TSC22D1: variants seen among roughly 807,000 people sequenced by gnomAD.
TSC22D1 encodes the protein TSC22 domain family member 1, also known as TSC22 domain family protein 1.
TSC22D1 carries 9 observed loss-of-function variants against 74.2 expected under a neutral mutation model. The ratio of observed to expected loss-of-function variants is 0.12; its 90% CI spans 0.07 to 0.21. TSC22D1 has a LOEUF of 0.21. Ranked by LOEUF, TSC22D1 falls within the 10% of genes least tolerant of loss-of-function variation. The pLI, the probability that TSC22D1 is intolerant of heterozygous loss-of-function variation, is 1.00. For missense variants in TSC22D1, 1,427 were observed against 1,304.7 expected, an observed-to-expected ratio of 1.09 and a Z score of -1.44; for synonymous variants, 586 against 492.5, an observed-to-expected ratio of 1.19 and a Z score of -2.51.
At chr13:44,543,664 G>GT (rs1480102448) in intron 1 of TSC22D1, among the ~76,000 whole-genome samples, 3 of 152,174 alleles carry the variant, frequency 2.0e-5, no homozygotes, top group Non-Finnish European at 2.9e-5. Context: ...CACGGAATAG[G>GT]TAACTCAGTA....
rs141536966 is a variant in TSC22D1, at chr13:44,434,464, T to C, written c.*162A>G. 4 of 1,383,342 alleles carry C rather than the reference T, an allele frequency of 2.9e-6. No individual in the cohort carries two copies. Among genetic ancestry groups the C allele is most frequent in the African/African-American group, 1.5e-5 (1 of 67,918 alleles). The allele number at this position is 1,383,342 out of a possible 1,614,324, so 85.7% of individuals were successfully genotyped here. A position where few individuals can be genotyped will look rare whatever the true frequency, so the allele number is the denominator to read the frequency against. On this transcript the variant is annotated 3_prime_UTR_variant, in exon 3 of 3. Coordinates refer to ENST00000458659, the MANE Select transcript of TSC22D1 (RefSeq NM_183422.4). ...GAAATTTCTCCAAGCCATAAGCATA[T>C]GAGTGTTTAATACTGGAAAAGAGAT...
At chr13:44,439,803 GA>G (rs1451064442) in intron 1 of TSC22D1, among the ~76,000 whole-genome samples, 4 of 152,322 alleles carry the variant, frequency 2.6e-5, no homozygotes, top group Admixed American at 2.6e-4. Flanking sequence ...AGCATGACAG[GA>G]TAGGAAAAGA....
rs1874544820 is a variant in TSC22D1, at chr13:44,435,754, C to T, written c.2964+290G>A. On this transcript the variant is annotated intron_variant, in intron 2 of 2. Coordinates refer to ENST00000458659, the MANE Select transcript of TSC22D1 (RefSeq NM_183422.4). ...ACGACCAGCCGAAGGAGATAGTTGG[C>T]CAGCGCTTCCCTAATAAATCCCCAG... 2.5e-5 allele frequency: 12 copies of T among 472,766 alleles called. No individual in the cohort carries two copies. In the East Asian group the frequency reaches 3.8e-4, roughly 15 times the overall value. The allele number at this position is 472,766 out of a possible 1,614,324, so 29.3% of individuals were successfully genotyped here.
chr13:44,574,857 C>T lies in TSC22D1; in HGVS notation c.1218G>A (p.Arg406=). 1.9e-6 allele frequency: 3 copies of T among 1,614,134 alleles called. No homozygotes were observed. In the Admixed American group the frequency reaches 5.0e-5, roughly 27 times the overall value. ...TAGAATCTAACTTCACAACTCTGAA[C>T]CTCGAAGTGTTAACTGTTGGTTGTT... ...QQQQPTVNTS[R]FRVVKLDSSS... is the part of the protein sequence containing the mutation. The change falls in exon 1 of 3, where the codon AGG becomes AGA. Residue 406 remains arginine (R), a synonymous_variant. Coordinates refer to ENST00000458659, the MANE Select transcript of TSC22D1 (RefSeq NM_183422.4).
intron 1 of TSC22D1, among the ~76,000 whole-genome samples, chr13:44,453,313 G>A (rs1876306669): frequency 6.6e-6 from 1 of 152,064 alleles, no homozygotes; most frequent in African/African-American, 2.4e-5. Flanking sequence ...ATAAACATAT[G>A]CATGACTATT....
chr13:44,559,467 T>C lies in TSC22D1; in HGVS notation c.2912+13696A>G, dbSNP rs746424485. Among the ~76,000 whole-genome samples, 18 of 152,338 alleles carry C rather than the reference T, an allele frequency of 1.2e-4. No homozygotes were observed. In the East Asian group the frequency reaches 3.5e-3, roughly 29 times the overall value. ...GTATTTCCTCAACAGGAAGATGTAC[T>C]GGTCATTGTCAAAAGTACCACAACA... On this transcript the variant is annotated intron_variant, in intron 1 of 2. Coordinates refer to ENST00000458659, the MANE Select transcript of TSC22D1 (RefSeq NM_183422.4).
At chr13:44,444,130 T>C (rs1459363610) in intron 1 of TSC22D1, among the ~76,000 whole-genome samples, 1 of 150,628 alleles carries the variant, frequency 6.6e-6, no homozygotes, top group Non-Finnish European at 1.5e-5. Context: ...AATACAAAAA[T>C]TAGCTGTGCA....
In TSC22D1 at chr13:44,564,850, A is replaced by G. The variant is rs1449002769; in HGVS notation, c.2912+8313T>C. On this transcript the variant is annotated intron_variant, in intron 1 of 2. Coordinates refer to ENST00000458659, the MANE Select transcript of TSC22D1 (RefSeq NM_183422.4). ...CTGATGTTATGTTAGAGCAATGGCA[A>G]TAAGGATGGAAAAAAAAGATGAAGA... Among the ~76,000 whole-genome samples the G allele has an allele frequency of 2.6e-5, 4 of 152,180 alleles. No individual in the cohort carries two copies. The South Asian group carries it at 6.2e-4, about 24-fold the overall frequency.
intron 1 of TSC22D1, among the ~76,000 whole-genome samples, chr13:44,568,811 CTGACAGAT>C: frequency 6.6e-6 from 1 of 152,130 alleles, no homozygotes; most frequent in East Asian, 1.9e-4. Flanking sequence ...ACAGACAGCG[CTGACAGAT>C]GAAAACCTGG....
Position 44,477,643 on chromosome 13 carries a change from T to TC in TSC22D1, c.2913-41549_2913-41548insG, listed in dbSNP as rs1490833741. On this transcript the variant is annotated intron_variant, in intron 1 of 2. Transcript: ENST00000458659. The stretch of plus-strand genomic sequence containing the variant: ...CCTATCAAATGTGCTCATAGATTTT[T>TC]TTTTTTTTTTTTTTTTGAGACGGAG... Among the ~76,000 whole-genome samples, 75 of 148,732 alleles carry TC rather than the reference T, an allele frequency of 5.0e-4. 1 individual carries two copies. Among genetic ancestry groups the TC allele is most frequent in the African/African-American group, 1.2e-3 (50 of 40,578 alleles).
intron 1 of TSC22D1, among the ~76,000 whole-genome samples, chr13:44,549,776 G>GAAAAAA (rs1305063154): frequency 4.4e-5 from 3 of 67,946 alleles, no homozygotes; most frequent in Non-Finnish European, 6.3e-5. Context: ...CAAAAAAAAA[G>GAAAAAA]AAAAAAAAAA....
Position 44,575,638 on chromosome 13 carries a change from G to C in TSC22D1, c.437C>G (p.Thr146Arg). The C allele has an allele frequency of 1.2e-6, 2 of 1,614,180 alleles. No individual in the cohort carries two copies. The highest frequency in any genetic ancestry group is 1.7e-6 in the Non-Finnish European group (2 of 1,180,024). ...ESYDDLDESH[T>R]EDLSSSEILD... The stretch of plus-strand genomic sequence containing the variant: ...GATCTCCGAAGAAGAGAGATCTTCC[G>C]TGTGAGATTCATCCAGATCATCATA... Residue 146 changes from threonine (T) to arginine (R), a missense_variant, in exon 1 of 3, where the codon ACG becomes AGG. Physicochemically the swap from Thr to Arg is moderately conservative, Grantham distance 71 (BLOSUM62 -1). Coordinates refer to ENST00000458659, the MANE Select transcript of TSC22D1 (RefSeq NM_183422.4).
At chr13:44,559,537 T>C (rs1424576313) in intron 1 of TSC22D1, among the ~76,000 whole-genome samples, 1 of 152,114 alleles carries the variant, frequency 6.6e-6, no homozygotes, top group African/African-American at 2.4e-5. Context: ...TAACTTTTTT[T>C]TTCTTGAGAC....
rs547294175 is a variant in TSC22D1, at chr13:44,467,209, C to T, written c.2913-31114G>A. On this transcript the variant is annotated intron_variant, in intron 1 of 2. Transcript: ENST00000458659. ...AAAATAGCTGCTATGAAGAATGAAACTGGATCCCTCCCTGTCTCTCACCAT... is the reference window on the plus strand; with the variant it reads ...AAAATAGCTGCTATGAAGAATGAAATTGGATCCCTCCCTGTCTCTCACCAT... Among the ~76,000 whole-genome samples the T allele has an allele frequency of 1.5e-4, 23 of 152,050 alleles. No individual in the cohort carries two copies. The East Asian group carries it at 4.5e-3, about 29-fold the overall frequency.
At chr13:44,493,915 G>A (rs1213980032) in intron 1 of TSC22D1, among the ~76,000 whole-genome samples, 1 of 152,078 alleles carries the variant, frequency 6.6e-6, no homozygotes, top group Non-Finnish European at 1.5e-5. Context: ...ACATGACAAA[G>A]GTACAGTCTT....
chr13:44,473,423 A>C (rs771267135), intron 1 of TSC22D1, among the ~76,000 whole-genome samples: 16 of 152,174 alleles, frequency 1.1e-4, no homozygotes, highest in Non-Finnish European at 1.9e-4. Flanking sequence ...TGAGCCCAGG[A>C]GGTCGAGGTT....
Position 44,574,118 on chromosome 13 carries a change from C to T in TSC22D1, c.1957G>A (p.Ala653Thr), listed in dbSNP as rs748496297. The change falls in exon 1 of 3, where the codon GCT (alanine) becomes ACT (threonine). Residue 653 changes from alanine (A) to threonine (T), a missense_variant. Around this residue, in one of 3 missense-constraint regions of TSC22D1, gnomAD observed 1,343 missense variants for 1,191.5 expected, o/e 1.13. Coordinates refer to ENST00000458659, the MANE Select transcript of TSC22D1 (RefSeq NM_183422.4). Reference sequence around the variant, plus strand: ...GGCTGCTGTTGTACATACTCTGAAGCAGGATTTTGAGTCACTGATTTGACA... The same window carrying T: ...GGCTGCTGTTGTACATACTCTGAAGTAGGATTTTGAGTCACTGATTTGACA... Reference protein sequence around the residue: ...GHVKSVTQNPASEYVQQQPIL... With the variant: ...GHVKSVTQNPTSEYVQQQPIL... 2.5e-6 allele frequency: 4 copies of T among 1,614,092 alleles called. No homozygotes were observed. In the African/African-American group the frequency reaches 4.0e-5, roughly 16 times the overall value.
At chr13:44,454,965 C>T (rs1876459591) in intron 1 of TSC22D1, among the ~76,000 whole-genome samples, 1 of 151,948 alleles carries the variant, frequency 6.6e-6, no homozygotes, top group Non-Finnish European at 1.5e-5. Context: ...TATTGAGCAC[C>T]CATTTTGTGT....
intron 1 of TSC22D1, among the ~76,000 whole-genome samples, chr13:44,542,809 A>G (rs752069228): frequency 1.3e-5 from 2 of 152,152 alleles, no homozygotes; most frequent in Non-Finnish European, 2.9e-5. Flanking sequence ...TGGGGTCATT[A>G]TTTGAAAAAG....
Sources: gnomAD v4.1 joint callset for allele counts (sites outside exome capture counted in the v4.1 genomes callset) on GRCh38, gnomAD v4.1.1 for gene constraint, gnomAD v4.1.1 regional missense constraint, MANE v1.5 for transcripts, NCBI Gene and HGNC (gene_info 2026-07-23, HGNC 2026-07-21) for gene names.